The following NPAS3 variants were observed in gnomAD, a reference collection of about 807,000 sequenced individuals.
The protein encoded by NPAS3 is neuronal PAS domain protein 3.
Under a neutral mutation model 73.1 loss-of-function variants are expected in NPAS3, and 14 were observed. The observed-to-expected ratio is 0.19, with a 90% CI of 0.13 to 0.30. NPAS3 has a LOEUF of 0.30. NPAS3 is among the 10% of genes least tolerant of loss of function. The probability of loss-of-function intolerance (pLI) is 1.00; values close to 1 mark genes in which losing one functional copy is unlikely to be tolerated. For missense variants in NPAS3, 1,096 were observed against 1,250.0 expected, an observed-to-expected ratio of 0.88 and a Z score of 1.86; for synonymous variants, 620 against 541.5, an observed-to-expected ratio of 1.14 and a Z score of -2.01.
At chr14:33,232,739 A>T (rs1017191581) in intron 3 of NPAS3, among the ~76,000 whole-genome samples, 13 of 152,170 alleles carry the variant, frequency 8.5e-5, no homozygotes, top group Non-Finnish European at 1.8e-4. Context: ...CCTATAAGTT[A>T]CTACATTTCA....
At chr14:32,970,109 CTA>C (rs1451361923) in intron 1 of NPAS3, among the ~76,000 whole-genome samples, 1 of 152,146 alleles carries the variant, frequency 6.6e-6, no homozygotes, top group African/African-American at 2.4e-5. Flanking sequence ...TTATAAACCT[CTA>C]GAGCAAATTT....
chr14:33,648,607 A>G (rs939657152), intron 5 of NPAS3, among the ~76,000 whole-genome samples: 4 of 152,226 alleles, frequency 2.6e-5, no homozygotes, highest in African/African-American at 9.6e-5. Flanking sequence ...AGTTTGGCTT[A>G]CAGGGACAGC....
intron 3 of NPAS3, among the ~76,000 whole-genome samples, chr14:33,359,452 A>G (rs1187302464): frequency 6.6e-6 from 1 of 152,130 alleles, no homozygotes; most frequent in Non-Finnish European, 1.5e-5. Context: ...TGCAACTGAC[A>G]CTGCACTATT....
chr14:33,718,089 G>C (rs573121102), intron 6 of NPAS3, among the ~76,000 whole-genome samples: 1 of 151,886 alleles, frequency 6.6e-6, no homozygotes, highest in African/African-American at 2.4e-5. Flanking sequence ...TTTGGCACAC[G>C]CAACGCCAAA....
At chr14:33,776,563 C>CAAAAAAAAAA (rs2062827061) in intron 8 of NPAS3, among the ~76,000 whole-genome samples, 3 of 71,918 alleles carry the variant, frequency 4.2e-5, no homozygotes, top group African/African-American at 4.9e-5. Flanking sequence ...AAAAAAAAAG[C>CAAAAAAAAAA]TTTTCACAGT....
At chr14:33,557,851 C>G (rs1241247292) in intron 4 of NPAS3, among the ~76,000 whole-genome samples, 1 of 152,178 alleles carries the variant, frequency 6.6e-6, no homozygotes, top group African/African-American at 2.4e-5. Context: ...TGCCCGTAGT[C>G]CCAGCTACTT....
chr14:33,511,453 AG>A (rs558326985), intron 4 of NPAS3, among the ~76,000 whole-genome samples: 1 of 152,198 alleles, frequency 6.6e-6, no homozygotes, highest in South Asian at 2.1e-4. Context: ...ATAAAGAGAA[AG>A]GGCCAAATTT....
At chr14:33,486,572 G>C (rs1425382185) in intron 4 of NPAS3, among the ~76,000 whole-genome samples, 1 of 152,082 alleles carries the variant, frequency 6.6e-6, no homozygotes, top group Non-Finnish European at 1.5e-5. Flanking sequence ...ATACATGAAG[G>C]GAAGATAATT....
intron 6 of NPAS3, among the ~76,000 whole-genome samples, chr14:33,722,106 T>G (rs79141487): frequency 2.0e-4 from 30 of 152,336 alleles, no homozygotes; most frequent in African/African-American, 7.0e-4. Flanking sequence ...TTAAAAATAC[T>G]TATTTGGCAT....
At chr14:33,413,432 A>G in intron 4 of NPAS3, among the ~76,000 whole-genome samples, 1 of 152,140 alleles carries the variant, frequency 6.6e-6, no homozygotes, top group Non-Finnish European at 1.5e-5. Flanking sequence ...GGGAGTATTT[A>G]GGAACTGCAG....
At chr14:33,429,055 A>T (rs910615385) in intron 4 of NPAS3, among the ~76,000 whole-genome samples, 2 of 152,096 alleles carry the variant, frequency 1.3e-5, no homozygotes, top group Admixed American at 6.6e-5. Context: ...AAGGAGATTT[A>T]AAAAAAGGTA....
intron 4 of NPAS3, among the ~76,000 whole-genome samples, chr14:33,482,720 CCT>C (rs2139723946): frequency 6.6e-6 from 1 of 152,154 alleles, no homozygotes; most frequent in African/African-American, 2.4e-5. Flanking sequence ...CTCTTTCCTT[CCT>C]CTCTCCCTGC....
intron 5 of NPAS3, among the ~76,000 whole-genome samples, chr14:33,576,461 A>G (rs2056436858): frequency 2.0e-5 from 3 of 152,128 alleles, no homozygotes; most frequent in African/African-American, 7.2e-5. Context: ...TTTTCAGACA[A>G]GTGTATCGAC....
At chr14:32,978,079 T>G (rs1158750292) in intron 1 of NPAS3, among the ~76,000 whole-genome samples, 1 of 151,304 alleles carries the variant, frequency 6.6e-6, no homozygotes, top group Non-Finnish European at 1.5e-5. Context: ...GCTCTCATTA[T>G]TATTTCACTT....
chr14:33,155,545 T>C (rs1392004338), intron 2 of NPAS3, among the ~76,000 whole-genome samples: 1 of 152,186 alleles, frequency 6.6e-6, no homozygotes, highest in Non-Finnish European at 1.5e-5. Context: ...CATGAGCCAC[T>C]ATGCTTGGCT....
At chr14:33,387,860 A>T (rs780195165) in intron 4 of NPAS3, among the ~76,000 whole-genome samples, 5 of 152,154 alleles carry the variant, frequency 3.3e-5, no homozygotes, top group African/African-American at 4.8e-5. Flanking sequence ...AAATAGTCAC[A>T]GTCTTTGTTC....
chr14:33,124,925 T>G (rs2043370650), intron 2 of NPAS3, among the ~76,000 whole-genome samples: 1 of 152,066 alleles, frequency 6.6e-6, no homozygotes, highest in Non-Finnish European at 1.5e-5. Flanking sequence ...GGAAGATGCC[T>G]TAGGAAGCTA....
chr14:33,174,875 A>G (rs1177486361), intron 2 of NPAS3, among the ~76,000 whole-genome samples: 1 of 152,176 alleles, frequency 6.6e-6, no homozygotes, highest in Non-Finnish European at 1.5e-5. Flanking sequence ...TGTGTCAGGG[A>G]TTCCATGGAG....
chr14:33,172,890 T>A (rs907746021), intron 2 of NPAS3, among the ~76,000 whole-genome samples: 3 of 152,180 alleles, frequency 2.0e-5, no homozygotes, highest in African/African-American at 7.2e-5. Context: ...TTAGGTTACA[T>A]GTGATTACTA....
Sources: allele counts gnomAD v4.1 joint callset (sites outside exome capture counted in the v4.1 genomes callset), GRCh38; gene constraint gnomAD v4.1.1; transcripts MANE v1.5; gene names NCBI Gene and HGNC (gene_info 2026-07-23, HGNC 2026-07-21).